ABHD2: variants seen among roughly 807,000 people sequenced by gnomAD.
ABHD2 encodes monoacylglycerol lipase ABHD2.
In ABHD2, 20 loss-of-function variants were observed where a neutral mutation model predicts 48.1. The observed-to-expected ratio is 0.42, with a 90% confidence interval of 0.29 to 0.60. The LOEUF is 0.60. Among genes scored for constraint, ABHD2 ranks in the 20% least tolerant of loss-of-function variants. The pLI is 0.24. For synonymous variants in ABHD2, 209 were observed against 214.2 expected (o/e 0.98, Z 0.21); for missense variants, 405 against 550.9 (o/e 0.74, Z 2.65).
Position 89,181,228 on chromosome 15 carries a change from C to CAAAAAAA in ABHD2, c.723-4180_723-4174dup, listed in dbSNP as rs61411388. 2.3e-3 allele frequency among the ~76,000 whole-genome samples: 159 copies of CAAAAAAA among 69,122 alleles called. 8 individuals are homozygous for CAAAAAAA. Among genetic ancestry groups the CAAAAAAA allele is most frequent in the Non-Finnish European group, 3.2e-3 (126 of 39,386 alleles). The allele number at this position is 69,122 out of a possible 152,430, so 45.3% of individuals were successfully genotyped here. On this transcript the variant is annotated intron_variant, in intron 6 of 10. Coordinates refer to ENST00000352732, the MANE Select transcript of ABHD2 (RefSeq NM_152924.5). ...TGGGGGACAGAGCGAGACTCTGTCT[C>CAAAAAAA]AAAAAAAAAAAAAAAAAAAAAACAA... is the stretch of plus-strand genomic sequence containing the variant.
At chr15:89,041,483 C>A in the ABHD2 span, among the ~76,000 whole-genome samples, 33 of 152,372 alleles carry the variant, frequency 2.2e-4, no homozygotes, top group African/African-American at 7.7e-4. Context: ...GGCACCAGGA[C>A]TCTGGGAACC....
At position 89,177,811 on chromosome 15, in the gene ABHD2, C is replaced by A. The variant is rs1468744798; in HGVS notation, c.722+1816C>A. On this transcript the variant is annotated intron_variant, in intron 6 of 10. Coordinates refer to ENST00000352732, the MANE Select transcript of ABHD2 (RefSeq NM_152924.5). The surrounding 1 kb of genome is among the most constrained non-coding windows in gnomAD (Gnocchi z 5.6). ...GGATAAGAAAGACATGAGCAAGGGGCCTACCCCAGGATCCAAGGGAGCAGA... is the reference window on the plus strand; with the variant it reads ...GGATAAGAAAGACATGAGCAAGGGGACTACCCCAGGATCCAAGGGAGCAGA... 6.6e-6 allele frequency among the ~76,000 whole-genome samples: 1 copy of A among 152,148 alleles called. No individual in the cohort carries two copies. The highest frequency in any genetic ancestry group is 1.5e-5 in the Non-Finnish European group (1 of 68,016).
chr15:89,051,099 G>T, the ABHD2 span, among the ~76,000 whole-genome samples: 1 of 152,126 alleles, frequency 6.6e-6, no homozygotes, highest in Non-Finnish European at 1.5e-5. Flanking sequence ...TGGGCGTGGT[G>T]GTGCGCGCCT....
At chr15:89,043,918 T>C in the ABHD2 span, among the ~76,000 whole-genome samples, 1 of 152,126 alleles carries the variant, frequency 6.6e-6, no homozygotes, top group Non-Finnish European at 1.5e-5. Flanking sequence ...TTATTATTAT[T>C]ATACTTTAAG....
chr15:89,133,266 A>T (rs181876059), intron 3 of ABHD2, among the ~76,000 whole-genome samples: 18 of 131,122 alleles, frequency 1.4e-4, no homozygotes, highest in African/African-American at 4.2e-4. Flanking sequence ...TTCGTATTCC[A>T]TAAAAAAATA....
the ABHD2 span, among the ~76,000 whole-genome samples, chr15:89,054,160 A>G: frequency 3.1e-4 from 47 of 152,116 alleles, no homozygotes; most frequent in Middle Eastern, 0.01. Flanking sequence ...CGTCTCTACT[A>G]AAAATACAAA....
At chr15:89,191,301 C>T (rs1596165487) in intron 9 of ABHD2, 152 bp downstream of exon 9, 1 of 705,758 alleles carries the variant, frequency 1.4e-6, no homozygotes, top group East Asian at 2.7e-5. Flanking sequence ...TTGAACCAGG[C>T]TCTGTCCCTC....
chr15:89,178,796 G>T (rs2051059892), intron 6 of ABHD2, among the ~76,000 whole-genome samples: 1 of 152,114 alleles, frequency 6.6e-6, no homozygotes, highest in African/African-American at 2.4e-5. Flanking sequence ...ATCCTCCTAG[G>T]TAACAGGGAC....
chr15:89,107,176 C>T (rs2150797289), intron 1 of ABHD2, among the ~76,000 whole-genome samples: 1 of 152,262 alleles, frequency 6.6e-6, no homozygotes, highest in South Asian at 2.1e-4. Context: ...GGGGTTCCAG[C>T]TGTGCACTGC....
In ABHD2 at chr15:89,185,898, C is replaced by G. The variant is rs1292114663; in HGVS notation, c.815+382C>G. Among the ~76,000 whole-genome samples, 3 of 152,114 alleles carry G rather than the reference C, an allele frequency of 2.0e-5. No individual in the cohort carries two copies. The highest frequency in any genetic ancestry group is 7.2e-5 in the African/African-American group (3 of 41,420). On this transcript the variant is annotated intron_variant, in intron 7 of 10. Transcript: ENST00000352732. The surrounding 1 kb of genome is among the most constrained non-coding windows in gnomAD (Gnocchi z 5.9). ...AGGAGAGTCGCTTGAACCCAGGAGG[C>G]GGAGGCTGCAGCGAGCCAAGATTGC...
chr15:89,171,579 G>T (rs545908531), intron 5 of ABHD2, among the ~76,000 whole-genome samples: 1 of 152,264 alleles, frequency 6.6e-6, no homozygotes, highest in African/African-American at 2.4e-5. Flanking sequence ...TGTGTTGAAC[G>T]GCGATGTGCT....
chr15:89,105,148 G>A (rs1452691455), intron 1 of ABHD2, among the ~76,000 whole-genome samples: 1 of 152,118 alleles, frequency 6.6e-6, no homozygotes, highest in Non-Finnish European at 1.5e-5. Context: ...TTACCCATTC[G>A]TTCTCTCATA....
At chr15:89,157,741 G>A (rs1207320173) in intron 5 of ABHD2, among the ~76,000 whole-genome samples, 1 of 152,020 alleles carries the variant, frequency 6.6e-6, no homozygotes, top group Non-Finnish European at 1.5e-5. Context: ...TACTCGGGAG[G>A]CTGAGGCAGG....
the ABHD2 span, among the ~76,000 whole-genome samples, chr15:89,051,662 C>T: frequency 6.6e-6 from 1 of 152,296 alleles, no homozygotes; most frequent in East Asian, 1.9e-4. Context: ...GTGAAGAAGT[C>T]TCACAAGATC....
intron 5 of ABHD2, among the ~76,000 whole-genome samples, chr15:89,156,646 G>A (rs1567095385): frequency 2.0e-5 from 3 of 151,502 alleles, no homozygotes; most frequent in Admixed American, 6.6e-5. Context: ...GCTGAGGCAC[G>A]AGGATCACTT....
chr15:89,060,662 G>T, the ABHD2 span, among the ~76,000 whole-genome samples: 1 of 152,022 alleles, frequency 6.6e-6, no homozygotes, highest in Non-Finnish European at 1.5e-5. Context: ...CTTCTTTTAT[G>T]TGTAGGAAGT....
Position 89,128,200 on chromosome 15 carries a change from G to A in ABHD2, c.194+11679G>A, listed in dbSNP as rs565432688. Reference sequence around the variant, plus strand: ...ATTTAGAGAAAGAGGGGATATTCCTGTGGTGGCTTGACTGATGAGGTCTTC... The same window carrying A: ...ATTTAGAGAAAGAGGGGATATTCCTATGGTGGCTTGACTGATGAGGTCTTC... On this transcript the variant is annotated intron_variant, in intron 3 of 10. Coordinates refer to ENST00000352732, the MANE Select transcript of ABHD2 (RefSeq NM_152924.5). Among the ~76,000 whole-genome samples, 16 of 152,354 alleles carry A rather than the reference G, an allele frequency of 1.1e-4. No homozygotes were observed. In the South Asian group the frequency reaches 2.5e-3, roughly 24 times the overall value.
the ABHD2 span, among the ~76,000 whole-genome samples, chr15:89,064,552 G>A: frequency 6.6e-6 from 1 of 152,010 alleles, no homozygotes; most frequent in African/African-American, 2.4e-5. Flanking sequence ...ATATTTATCT[G>A]TTGATGGACA....
Position 89,196,129 on chromosome 15 carries a change from T to C in ABHD2, c.*706T>C, listed in dbSNP as rs1039710342. 3.9e-5 allele frequency: 6 copies of C among 152,486 alleles called. No homozygotes were observed. The highest frequency in any genetic ancestry group is 1.3e-4 in the Admixed American group (2 of 15,298). 9.4% of individuals were successfully genotyped at this position (152,486 alleles called of 1,614,324 possible). On this transcript the variant is annotated 3_prime_UTR_variant, in exon 11 of 11. Transcript: ENST00000352732. ...CCTGGGGATTTTAATTTTTCACAAG[T>C]GCCCCAGATGATTCTCATCACCAAG...
Sources: gnomAD v4.1 joint callset for allele counts (sites outside exome capture counted in the v4.1 genomes callset) on GRCh38, gnomAD v4.1.1 for gene constraint, Gnocchi (gnomAD v3.1) non-coding constraint, MANE v1.5 for transcripts, NCBI Gene and HGNC (gene_info 2026-07-23, HGNC 2026-07-21) for gene names.